POR: variants seen among roughly 807,000 people sequenced by gnomAD.
The protein encoded by POR is NADPH--cytochrome P450 reductase.
Under a neutral mutation model 84.0 loss-of-function variants are expected in POR, and 56 were observed. The ratio of observed to expected loss-of-function variants is 0.67; its 90% CI spans 0.54 to 0.83. The LOEUF is 0.83. Among genes scored for constraint, POR ranks in the 40% least tolerant of loss-of-function variants. POR has a pLI of 0.00. For missense variants in POR, 938 were observed against 944.3 expected, an observed-to-expected ratio of 0.99 and a Z score of 0.09; for synonymous variants, 414 against 400.5, an observed-to-expected ratio of 1.03 and a Z score of -0.40.
intron 2 of POR, among the ~76,000 whole-genome samples, chr7:75,964,113 CCTCAGCTTCCTGAGT>C (rs1788065056): frequency 6.6e-6 from 1 of 151,820 alleles, no homozygotes; most frequent in African/African-American, 2.4e-5. Flanking sequence ...GATTCTCCTG[CCTCAGCTTCCTGAGT>C]AGCTGGGACT....
In POR at chr7:75,983,761, C is replaced by T; in HGVS notation, c.971C>T (p.Ala324Val). ...AGGTATGAATCTGGGGACCACGTGG[C>T]TGTGTACCCAGCCAACGACTCTGCT... Residue 324 changes from alanine (A) to valine (V), a missense_variant, in exon 10 of 16, where the codon GCT becomes GTT. Transcript: ENST00000461988. The T allele has an allele frequency of 6.2e-7, 1 of 1,612,288 alleles. No homozygotes were observed.
At chr7:75,951,709 A>G (rs892378707) in intron 1 of POR, among the ~76,000 whole-genome samples, 5 of 152,226 alleles carry the variant, frequency 3.3e-5, no homozygotes, top group Non-Finnish European at 7.3e-5. Flanking sequence ...GGTTGTGGTG[A>G]AAAACCCAGT....
chr7:75,986,694 G>A lies in POR; in HGVS notation c.*213G>A, dbSNP rs1789497779. Reference sequence around the variant, plus strand: ...CAGCACAGCCCAGGGCCTGCATGGGGGCACCGGGCTCCATGCCTCTGGAGG... The same window carrying A: ...CAGCACAGCCCAGGGCCTGCATGGGAGCACCGGGCTCCATGCCTCTGGAGG... On this transcript the variant is annotated 3_prime_UTR_variant, in exon 16 of 16. Coordinates refer to ENST00000461988, the MANE Select transcript of POR (RefSeq NM_000941.3). 4.8e-6 allele frequency: 3 copies of A among 631,518 alleles called. No homozygotes were observed. The highest frequency in any genetic ancestry group is 2.0e-5 in the South Asian group (1 of 49,772). The allele number at this position is 631,518 out of a possible 1,614,324, so 39.1% of individuals were successfully genotyped here. A position where few individuals can be genotyped will look rare whatever the true frequency, so the allele number is the denominator to read the frequency against.
rs1789496499 is a variant in POR, at chr7:75,986,676, G to A, written c.*195G>A. 1 of 686,656 alleles carries A rather than the reference G, an allele frequency of 1.5e-6. No homozygotes were observed. The highest frequency in any genetic ancestry group is 2.7e-5 in the East Asian group (1 of 36,584). 42.5% of individuals were successfully genotyped at this position (686,656 alleles called of 1,614,324 possible). A position where few individuals can be genotyped will look rare whatever the true frequency, so the allele number is the denominator to read the frequency against. ...AGGTCCACCGGCCCCTGGCAGCACA[G>A]CCCAGGGCCTGCATGGGGGCACCGG... On this transcript the variant is annotated 3_prime_UTR_variant, in exon 16 of 16. Transcript: ENST00000461988.
At chr7:75,924,939 G>T (rs1386321561) in intron 1 of POR, among the ~76,000 whole-genome samples, 2 of 152,088 alleles carry the variant, frequency 1.3e-5, no homozygotes, top group Non-Finnish European at 2.9e-5. Context: ...TTTGAACCAA[G>T]GTCTGTTGGT....
At chr7:75,965,968 G>A (rs782731026) in intron 2 of POR, among the ~76,000 whole-genome samples, 22 of 152,102 alleles carry the variant, frequency 1.4e-4, no homozygotes, top group Non-Finnish European at 2.8e-4. Context: ...CCTTGCTTGG[G>A]GAGCAGACAG....
Position 75,982,340 on chromosome 7 carries a change from G to A in POR, c.830+18G>A. 2 of 1,598,778 alleles carry A rather than the reference G, an allele frequency of 1.3e-6. No homozygotes were observed. Among genetic ancestry groups the A allele is most frequent in the Non-Finnish European group, 1.7e-6 (2 of 1,171,816 alleles). On this transcript the variant is annotated intron_variant, in intron 8 of 15. Coordinates refer to ENST00000461988, the MANE Select transcript of POR (RefSeq NM_000941.3). ...CAGAAGCCGTGAGTGGAGGGAGCGT[G>A]GCTTGGGGCAGACGGCTCTATGGCC...
intron 2 of POR, among the ~76,000 whole-genome samples, chr7:75,972,106 A>G (rs1171111192): frequency 6.6e-6 from 1 of 152,016 alleles, no homozygotes; most frequent in African/African-American, 2.4e-5. Context: ...CTTGAGGGAA[A>G]CAAGCCCATA....
In POR at chr7:75,984,795, A is replaced by G. The variant is rs1223165493; in HGVS notation, c.1085A>G (p.His362Arg). 1 of 1,612,228 alleles carries G rather than the reference A, an allele frequency of 6.2e-7. No homozygotes were observed. Among genetic ancestry groups the G allele is most frequent in the Non-Finnish European group, 8.5e-7 (1 of 1,179,732 alleles). ...CCTGCAGAGGAGTCCAACAAGAAGC[A>G]CCCATTCCCGTGCCCTACGTCCTAC... Residue 362 changes from histidine to arginine, a missense_variant, in exon 11 of 16, where the codon CAC (histidine) becomes CGC (arginine). Coordinates refer to ENST00000461988, the MANE Select transcript of POR (RefSeq NM_000941.3).
chr7:75,977,935 C>T (rs1459882949), intron 3 of POR, among the ~76,000 whole-genome samples: 1 of 152,184 alleles, frequency 6.6e-6, no homozygotes, highest in Non-Finnish European at 1.5e-5. Flanking sequence ...TTGGCTGAAC[C>T]GAATTGGCTG....
Position 75,983,629 on chromosome 7 carries a change from AAAAT to A in POR, c.941_944del (p.Lys314ThrfsTer37). 6.2e-7 allele frequency: 1 copy of A among 1,612,560 alleles called. No homozygotes were observed. The highest frequency in any genetic ancestry group is 8.5e-7 in the Non-Finnish European group (1 of 1,179,470). On this transcript the variant is annotated frameshift_variant, in exon 9 of 16. Coordinates refer to ENST00000461988, the MANE Select transcript of POR (RefSeq NM_000941.3). LOFTEE classifies it high-confidence loss of function. Reference sequence around the variant, plus strand: ...CCTGGAATTGGACATCTCGGACTCCAAAATCAGGTACCAGCTGCCACTGTCACCC... The same window carrying A: ...CCTGGAATTGGACATCTCGGACTCCACAGGTACCAGCTGCCACTGTCACCC...
intron 1 of POR, among the ~76,000 whole-genome samples, chr7:75,929,824 TC>T (rs1366306817): frequency 6.6e-6 from 1 of 152,174 alleles, no homozygotes; most frequent in Non-Finnish European, 1.5e-5. Context: ...GACTCCGTGG[TC>T]CTCTATGCAC....
intron 1 of POR, chr7:75,923,026 C>T (rs782305378): frequency 9.5e-5 from 64 of 673,118 alleles, no homozygotes; most frequent in Admixed American, 2.4e-4. Flanking sequence ...CTTTGTTGTA[C>T]GCGTCGAAAG....
chr7:75,953,506 G>C (rs1014453214), intron 1 of POR, among the ~76,000 whole-genome samples: 3 of 152,112 alleles, frequency 2.0e-5, no homozygotes, highest in Admixed American at 6.5e-5. Context: ...TGAATATCAG[G>C]AGCCACTCAA....
chr7:75,983,838 T>A lies in POR; in HGVS notation c.1048T>A (p.Ser350Thr). The A allele has an allele frequency of 1.2e-6, 2 of 1,609,456 alleles. No homozygotes were observed. Among genetic ancestry groups the A allele is most frequent in the Non-Finnish European group, 1.7e-6 (2 of 1,178,344 alleles). ...GGGTGCCGACCTGGACGTCGTCATG[T>A]CCCTGAACAACCTGGATGGTGAGTG... Residue 350 changes from serine (S) to threonine (T), a missense_variant, in exon 10 of 16, where the codon TCC (serine) becomes ACC (threonine). Ser to Thr is a moderately conservative substitution (Grantham distance 58, BLOSUM62 1). Coordinates refer to ENST00000461988, the MANE Select transcript of POR (RefSeq NM_000941.3).
At chr7:75,973,776 G>T (rs1401303860) in intron 3 of POR, among the ~76,000 whole-genome samples, 1 of 133,008 alleles carries the variant, frequency 7.5e-6, no homozygotes, top group African/African-American at 2.9e-5. Flanking sequence ...TCACCTCCTC[G>T]GTTCAAGTGA....
In POR at chr7:75,985,954, C is replaced by T. The variant is rs781863037; in HGVS notation, c.1701C>T (p.Tyr567=). ...AGGTGGGGGAGACGCTGCTGTACTA[C>T]GGCTGCCGCCGCTCGGATGAGGACT... The change falls in exon 14 of 16, where the codon TAC becomes TAT. Residue 567 remains tyrosine, a synonymous_variant. Coordinates refer to ENST00000461988, the MANE Select transcript of POR (RefSeq NM_000941.3). The T allele has an allele frequency of 2.6e-5, 41 of 1,587,596 alleles. No homozygotes were observed. The highest frequency in any genetic ancestry group is 1.7e-4 in the Middle Eastern group (1 of 5,988).
chr7:75,953,977 G>A lies in POR; in HGVS notation c.-4-12G>A, dbSNP rs1554553302. 1 of 1,562,334 alleles carries A rather than the reference G, an allele frequency of 6.4e-7. No homozygotes were observed. Among genetic ancestry groups the A allele is most frequent in the Admixed American group, 1.9e-5 (1 of 53,002 alleles). On this transcript the variant is annotated splice_polypyrimidine_tract_variant and intron_variant, in intron 1 of 15. Coordinates refer to ENST00000461988, the MANE Select transcript of POR (RefSeq NM_000941.3). ...CCCTCTGCTGACATCTGCTGTTTCT[G>A]TCTCCTAACAGTTTCATGATCAACA...
At chr7:75,922,414 C>T (rs980423179) in intron 1 of POR, among the ~76,000 whole-genome samples, 26 of 151,350 alleles carry the variant, frequency 1.7e-4, no homozygotes, top group Non-Finnish European at 3.5e-4. Context: ...ACCTCTGCCT[C>T]CTGGGTTCAA....
Sources: allele counts gnomAD v4.1 joint callset (sites outside exome capture counted in the v4.1 genomes callset), GRCh38; gene constraint gnomAD v4.1.1; transcripts MANE v1.5; gene names NCBI Gene and HGNC (gene_info 2026-07-23, HGNC 2026-07-21).